Variants in LAMA2 observed in about 807,000 individuals in gnomAD.
LAMA2 encodes the protein laminin subunit alpha 2.
A neutral mutation model predicts 364.8 loss-of-function variants in LAMA2; 269 were observed. That is an observed-to-expected ratio of 0.74 (90% CI 0.67 to 0.82). The LOEUF (loss-of-function observed/expected upper bound fraction) is 0.82. Among genes scored for constraint, LAMA2 ranks in the 40% least tolerant of loss-of-function variants. The pLI is 0.00. For synonymous variants in LAMA2, 1,379 were observed against 1,370.6 expected, an observed-to-expected ratio of 1.01 and a Z score of -0.14; for missense variants, 3,807 against 3,873.2, an observed-to-expected ratio of 0.98 and a Z score of 0.45.
chr6:129,288,221 G>A (rs1003075350), intron 19 of LAMA2, among the ~76,000 whole-genome samples, 163 bp downstream of exon 19: 2 of 152,108 alleles, frequency 1.3e-5, no homozygotes, highest in African/African-American at 4.8e-5. Flanking sequence ...ACATTTCCTT[G>A]TACTAACTAA....
chr6:128,904,452 C>CTTTTTTTTTTTTTTTTT (rs562812796), intron 1 of LAMA2, among the ~76,000 whole-genome samples: 2 of 119,336 alleles, frequency 1.7e-5, no homozygotes, highest in Non-Finnish European at 1.8e-5. Context: ...TTTTTCCTTT[C>CTTTTTTTTTTTTTTTTT]TTTTTTTTTT....
At chr6:129,270,852 A>C in intron 17 of LAMA2, 101 bp downstream of exon 17, 1 of 1,249,372 alleles carries the variant, frequency 8.0e-7, no homozygotes, top group South Asian at 1.2e-5. Flanking sequence ...GTAAATAAAT[A>C]ATAAACACAG....
intron 12 of LAMA2, among the ~76,000 whole-genome samples, chr6:129,206,845 G>A (rs886925376): frequency 2.0e-5 from 3 of 152,362 alleles, no homozygotes; most frequent in Middle Eastern, 3.4e-3. Flanking sequence ...TAAACAGGTA[G>A]TTTGTTGGGT....
chr6:129,322,452 G>A (rs1002215476), intron 28 of LAMA2, among the ~76,000 whole-genome samples: 2 of 152,158 alleles, frequency 1.3e-5, no homozygotes, highest in African/African-American at 4.8e-5. Flanking sequence ...TTCTAGACAA[G>A]AGATGGAATT....
At chr6:129,056,117 G>C (rs1267126599) in intron 2 of LAMA2, among the ~76,000 whole-genome samples, 1 of 152,132 alleles carries the variant, frequency 6.6e-6, no homozygotes, top group Admixed American at 6.5e-5. Flanking sequence ...TTGTATGTGT[G>C]TGTTTTTCTA....
intron 1 of LAMA2, among the ~76,000 whole-genome samples, chr6:129,006,483 G>T (rs1784446485): frequency 1.3e-5 from 2 of 152,118 alleles, no homozygotes; most frequent in Non-Finnish European, 2.9e-5. Context: ...CTCAGCCTTA[G>T]TGAAGGGTGT....
At chr6:129,199,679 A>G (rs1271231087) in intron 12 of LAMA2, among the ~76,000 whole-genome samples, 1 of 152,190 alleles carries the variant, frequency 6.6e-6, no homozygotes. Flanking sequence ...TTATATCAAC[A>G]ACACTTTTCA....
chr6:129,287,261 A>G (rs752283072), intron 18 of LAMA2, among the ~76,000 whole-genome samples: 15 of 152,050 alleles, frequency 9.9e-5, no homozygotes, highest in Non-Finnish European at 2.1e-4. Flanking sequence ...AAAGCCTTCA[A>G]TGAAAATTTG....
intron 12 of LAMA2, among the ~76,000 whole-genome samples, chr6:129,237,714 T>C (rs371627972): frequency 2.4e-4 from 36 of 152,266 alleles, no homozygotes; most frequent in East Asian, 1.7e-3. Flanking sequence ...AAAGTATATA[T>C]GCATTTATAA....
intron 1 of LAMA2, among the ~76,000 whole-genome samples, chr6:129,042,266 C>G (rs1287260021): frequency 6.6e-6 from 1 of 151,448 alleles, no homozygotes; most frequent in African/African-American, 2.4e-5. Flanking sequence ...GATCATACTA[C>G]TGCACTCCAT....
intron 15 of LAMA2, among the ~76,000 whole-genome samples, chr6:129,264,673 A>T (rs1162948371): frequency 6.6e-6 from 1 of 152,150 alleles, no homozygotes; most frequent in Non-Finnish European, 1.5e-5. Context: ...CAGCAAAGAA[A>T]TATGCTAGAA....
At chr6:129,093,623 A>C (rs1174760113) in intron 3 of LAMA2, among the ~76,000 whole-genome samples, 1 of 152,194 alleles carries the variant, frequency 6.6e-6, no homozygotes, top group South Asian at 2.1e-4. Flanking sequence ...TTCCACACTA[A>C]ATGAGATCAA....
chr6:129,321,125 A>G (rs1464173748), intron 28 of LAMA2, among the ~76,000 whole-genome samples: 2 of 152,170 alleles, frequency 1.3e-5, no homozygotes, highest in Non-Finnish European at 2.9e-5. Context: ...GCTATGAGTC[A>G]TTACAGTTAT....
intron 20 of LAMA2, among the ~76,000 whole-genome samples, chr6:129,293,543 G>A (rs971435055): frequency 1.3e-5 from 2 of 152,214 alleles, no homozygotes; most frequent in Non-Finnish European, 2.9e-5. Flanking sequence ...TACAACAAAT[G>A]CAAGAAACAC....
chr6:129,329,948 G>C (rs1775532342), intron 29 of LAMA2, among the ~76,000 whole-genome samples: 1 of 152,088 alleles, frequency 6.6e-6, no homozygotes, highest in Non-Finnish European at 1.5e-5. Context: ...TGTCAGATCA[G>C]AGACAGCATT....
chr6:129,161,162 A>T (rs1779419467), intron 8 of LAMA2, among the ~76,000 whole-genome samples: 1 of 152,098 alleles, frequency 6.6e-6, no homozygotes, highest in South Asian at 2.1e-4. Flanking sequence ...CTCAGATATC[A>T]CTTTTTGTCC....
intron 42 of LAMA2, 71 bp downstream of exon 42, chr6:129,438,833 A>AT (rs1273995875): frequency 5.9e-5 from 48 of 818,728 alleles, no homozygotes; most frequent in Non-Finnish European, 1.0e-4. Flanking sequence ...AACTTTTACC[A>AT]TTTTTTTCTA....
chr6:129,176,745 C>A (rs182393837), intron 9 of LAMA2, among the ~76,000 whole-genome samples: 1 of 151,966 alleles, frequency 6.6e-6, no homozygotes, highest in Non-Finnish European at 1.5e-5. Flanking sequence ...CTTTTCCATA[C>A]GCTTTCTTGA....
chr6:129,027,571 G>T (rs921446524), intron 1 of LAMA2, among the ~76,000 whole-genome samples: 1 of 151,900 alleles, frequency 6.6e-6, no homozygotes, highest in Non-Finnish European at 1.5e-5. Flanking sequence ...ATCAAACAAT[G>T]ATTCTTTTTA....
Sources: allele counts gnomAD v4.1 joint callset (sites outside exome capture counted in the v4.1 genomes callset), GRCh38; gene constraint gnomAD v4.1.1; transcripts MANE v1.5; gene names NCBI Gene and HGNC (gene_info 2026-07-23, HGNC 2026-07-21).